Variants in ZNF880 observed in about 807,000 individuals in gnomAD.
ZNF880 encodes the protein zinc finger protein LOC400713.
A neutral mutation model predicts 11.8 loss-of-function variants in ZNF880; 12 were observed. That is an observed-to-expected ratio of 1.02 (90% CI 0.65 to 1.65). The LOEUF (loss-of-function observed/expected upper bound fraction) is 1.65, where lower values mean the gene tolerates loss of function less well. Among genes scored for constraint, ZNF880 ranks in the 40% most tolerant of loss-of-function variants. The probability of loss-of-function intolerance (pLI) is 0.00; values close to 1 mark genes in which losing one functional copy is unlikely to be tolerated. For synonymous variants in ZNF880, 210 were observed against 232.4 expected (o/e 0.90, Z 0.88); for missense variants, 601 against 673.9 (o/e 0.89, Z 1.20).
At chr19:52,397,054 C>T in the ZNF880 span, 1 of 152,120 alleles carries the variant, frequency 6.6e-6, no homozygotes, top group Non-Finnish European at 1.5e-5. Context: ...GAGTGCCTGC[C>T]ACTGTACTCC....
At position 52,384,651 on chromosome 19, in the gene ZNF880, T is replaced by C. The variant is rs2042913; in HGVS notation, c.1071T>C (p.Cys357=). 627,409 of 1,609,336 alleles carry C rather than the reference T, an allele frequency of 0.39. 124,024 individuals carry two copies. The highest frequency in any genetic ancestry group is 0.53 in the South Asian group (47,655 of 90,766). The change falls in exon 4 of 4, where the codon TGT becomes TGC. Residue 357 remains cysteine (C), a synonymous_variant. Coordinates refer to ENST00000422689, the MANE Select transcript of ZNF880 (RefSeq NM_001145434.2). ...TGEKLYKCNK[C]GKVFNRNAHL... Reference sequence around the variant, plus strand: ...AGAAACTTTACAAATGTAATAAATGTGGCAAGGTCTTCAATCGAAATGCAC... The same window carrying C: ...AGAAACTTTACAAATGTAATAAATGCGGCAAGGTCTTCAATCGAAATGCAC...
At chr19:52,386,328 T>C (rs1023837318), downstream of ZNF880, among the ~76,000 whole-genome samples, 8 of 143,444 alleles carry the variant, frequency 5.6e-5, no homozygotes, top group African/African-American at 1.9e-4. Context: ...AGGAATCATA[T>C]AAAATGATGA....
At chr19:52,392,304 T>C in the ZNF880 span, among the ~76,000 whole-genome samples, 25,157 of 125,414 alleles carry the variant, frequency 0.2, 2,300 homozygotes, top group African/African-American at 0.32. Context: ...CTCTCTCTCT[T>C]TCTTTTCTTT....
upstream of ZNF880, among the ~76,000 whole-genome samples, chr19:52,368,873 T>C (rs1986243344): frequency 6.7e-6 from 1 of 149,478 alleles, no homozygotes; most frequent in Admixed American, 6.8e-5. Context: ...TCCCAGCTAC[T>C]TGGGAGGCTG....
chr19:52,373,281 A>G (rs2122353412), intron 2 of ZNF880, 44 bp downstream of exon 2: 2 of 1,572,382 alleles, frequency 1.3e-6, no homozygotes, highest in Non-Finnish European at 1.7e-6. Context: ...GCCCTGGTGT[A>G]TTTTTGCATT....
chr19:52,383,917 C>CAGTT lies in ZNF880; in HGVS notation c.339_342dup (p.His115ValfsTer5). The CAGTT allele has an allele frequency of 1.3e-6, 2 of 1,562,190 alleles. No individual in the cohort carries two copies. Among genetic ancestry groups the CAGTT allele is most frequent in the Non-Finnish European group, 1.7e-6 (2 of 1,152,706 alleles). ...TAAAAATCAACTTGGATTAACCTTT[C>CAGTT]AGTTACATCTGAGTGAACTGCAGCT... is the stretch of plus-strand genomic sequence containing the variant. On this transcript the variant is annotated frameshift_variant, in exon 4 of 4. Coordinates refer to ENST00000422689, the MANE Select transcript of ZNF880 (RefSeq NM_001145434.2). LOFTEE classifies it low-confidence loss of function (END_TRUNC).
At chr19:52,368,591 T>G (rs1600243904), upstream of ZNF880, among the ~76,000 whole-genome samples, 1 of 151,632 alleles carries the variant, frequency 6.6e-6, no homozygotes, top group Admixed American at 6.6e-5. Flanking sequence ...TGGCTTGGGG[T>G]GTCATGATTG....
chr19:52,384,577 T>G lies in ZNF880; in HGVS notation c.997T>G (p.Phe333Val). The G allele has an allele frequency of 1.9e-6, 3 of 1,613,556 alleles. No individual in the cohort carries two copies. Among genetic ancestry groups the G allele is most frequent in the Non-Finnish European group, 2.5e-6 (3 of 1,179,782 alleles). The change falls in exon 4 of 4, where the codon TTT becomes GTT. Residue 333 changes from phenylalanine (F) to valine (V), a missense_variant. Around this residue, in one of 3 missense-constraint regions of ZNF880, gnomAD observed 420 missense variants for 442.6 expected, o/e 0.95. Coordinates refer to ENST00000422689, the MANE Select transcript of ZNF880 (RefSeq NM_001145434.2). The stretch of plus-strand genomic sequence containing the variant: ...CAAATGTAAGGAATGTGGCAAAGCA[T>G]TTTCAGGGGGTTCAGGCCTTACTGC... ...PYKCKECGKA[F>V]SGGSGLTAHL... is the part of the protein sequence containing the mutation.
intron 3 of ZNF880, 40 bp from the exon 4 acceptor site, chr19:52,383,809 T>C: frequency 6.7e-7 from 1 of 1,488,184 alleles, no homozygotes; most frequent in Non-Finnish European, 8.9e-7. Context: ...AACATGCCAT[T>C]GTCATGGGTT....
At chr19:52,387,379 A>G (rs567094401), downstream of ZNF880, among the ~76,000 whole-genome samples, 1 of 143,900 alleles carries the variant, frequency 6.9e-6, no homozygotes, top group South Asian at 2.2e-4. Flanking sequence ...CTACGTGCCT[A>G]TTGTGTGCCA....
chr19:52,387,949 G>A (rs1281864454), downstream of ZNF880, among the ~76,000 whole-genome samples: 4 of 129,404 alleles, frequency 3.1e-5, no homozygotes, highest in East Asian at 2.2e-4. Context: ...GCACGATCTC[G>A]GCTCACTGCA....
chr19:52,383,937 G>T lies in ZNF880; in HGVS notation c.357G>T (p.Leu119=). The T allele has an allele frequency of 6.4e-7, 1 of 1,558,998 alleles. No individual in the cohort carries two copies. Residue 119 remains leucine (L), a synonymous_variant, in exon 4 of 4, where the codon CTG becomes CTT. Coordinates refer to ENST00000422689, the MANE Select transcript of ZNF880 (RefSeq NM_001145434.2). ...GLTFQLHLSE[L]QLFQAERNIS... is the part of the protein sequence containing the mutation. ...CCTTTCAGTTACATCTGAGTGAACTGCAGCTATTTCAAGCTGAAAGGAATA... is the reference window on the plus strand; with the variant it reads ...CCTTTCAGTTACATCTGAGTGAACTTCAGCTATTTCAAGCTGAAAGGAATA...
At chr19:52,388,810 C>T (rs1472029092), downstream of ZNF880, 4 of 152,078 alleles carry the variant, frequency 2.6e-5, no homozygotes, top group African/African-American at 9.7e-5. Context: ...TCTCATGCTG[C>T]TAATACAGAC....
chr19:52,393,849 T>G, the ZNF880 span, among the ~76,000 whole-genome samples: 1 of 146,806 alleles, frequency 6.8e-6, no homozygotes, highest in Non-Finnish European at 1.5e-5. Context: ...TTTTTTTTTT[T>G]TTTTTGAGAC....
At chr19:52,374,181 A>C in intron 2 of ZNF880, 118 bp from the exon 3 acceptor site, 1 of 837,162 alleles carries the variant, frequency 1.2e-6, no homozygotes, top group Non-Finnish European at 1.8e-6. Context: ...AGTATCTGGG[A>C]CTACAGGCAC....
chr19:52,373,626 C>T (rs1271880781), intron 2 of ZNF880, among the ~76,000 whole-genome samples: 1 of 149,668 alleles, frequency 6.7e-6, no homozygotes, highest in African/African-American at 2.5e-5. Context: ...GTTCCCTCAG[C>T]ATTCAGAAGG....
At chr19:52,392,011 A>T in the ZNF880 span, among the ~76,000 whole-genome samples, 4 of 152,188 alleles carry the variant, frequency 2.6e-5, no homozygotes, top group African/African-American at 9.7e-5. Flanking sequence ...TCTCTAATTG[A>T]ACTCAATTTG....
chr19:52,374,164 C>T (rs1371915654), intron 2 of ZNF880, 135 bp from the exon 3 acceptor site: 1 of 666,174 alleles, frequency 1.5e-6, no homozygotes, highest in Non-Finnish European at 2.4e-6. Flanking sequence ...CTCCCAGGTT[C>T]ACGCTGAGTA....
At chr19:52,394,654 T>C in the ZNF880 span, 2 of 152,242 alleles carry the variant, frequency 1.3e-5, no homozygotes, top group South Asian at 4.1e-4. Context: ...TTTCATCAGT[T>C]TCCTATTGCT....
Sources: gnomAD v4.1 joint callset for allele counts (sites outside exome capture counted in the v4.1 genomes callset) on GRCh38, gnomAD v4.1.1 for gene constraint, gnomAD v4.1.1 regional missense constraint, MANE v1.5 for transcripts, NCBI Gene and HGNC (gene_info 2026-07-23, HGNC 2026-07-21) for gene names.